The following WDR41 variants were observed in gnomAD, a reference collection of about 807,000 sequenced individuals.
WDR41 encodes WD repeat domain 41.
Under a neutral mutation model 69.3 loss-of-function variants are expected in WDR41, and 63 were observed. The ratio of observed to expected loss-of-function variants is 0.91; its 90% CI spans 0.74 to 1.12. The LOEUF (loss-of-function observed/expected upper bound fraction) is 1.12, where lower values mean the gene tolerates loss of function less well. WDR41 is among the 50% of genes most tolerant of loss of function. The probability of loss-of-function intolerance (pLI) is 0.00; values close to 1 mark genes in which losing one functional copy is unlikely to be tolerated. For synonymous variants in WDR41, 185 were observed against 192.1 expected (o/e 0.96, Z 0.31); for missense variants, 543 against 534.5 (o/e 1.02, Z -0.16).
intron 1 of WDR41, among the ~76,000 whole-genome samples, chr5:77,547,749 C>T (rs1743224981): frequency 6.6e-6 from 1 of 152,058 alleles, no homozygotes; most frequent in Admixed American, 6.6e-5. Context: ...ATCAAAATAC[C>T]ACTATTATTC....
chr5:77,474,482 T>C lies in WDR41; in HGVS notation c.168-9673A>G, dbSNP rs79894950. 2.1e-4 allele frequency among the ~76,000 whole-genome samples: 32 copies of C among 152,292 alleles called. No individual in the cohort carries two copies. In the East Asian group the frequency reaches 6.2e-3, roughly 29 times the overall value. ...TCATTTAAAGTATATGTTTGTATGC[T>C]AGAACTACTTGAAGAAAATTAGAGA... On this transcript the variant is annotated intron_variant, in intron 2 of 12. Coordinates refer to ENST00000296679, the MANE Select transcript of WDR41 (RefSeq NM_018268.4).
At chr5:77,478,908 A>G (rs1801093641) in intron 2 of WDR41, among the ~76,000 whole-genome samples, 1 of 151,916 alleles carries the variant, frequency 6.6e-6, no homozygotes, top group Non-Finnish European at 1.5e-5. Context: ...AGATGACATG[A>G]TTGTATATCT....
chr5:77,464,274 C>CTTTTTTTTTTTTTTTT (rs71606297), intron 3 of WDR41, among the ~76,000 whole-genome samples: 5 of 94,202 alleles, frequency 5.3e-5, no homozygotes, highest in Non-Finnish European at 7.8e-5. Flanking sequence ...TAGGAAAAAA[C>CTTTTTTTTTTTTTTTT]TTTTTTTTTT....
chr5:77,548,061 G>C (rs973785001), intron 1 of WDR41, among the ~76,000 whole-genome samples: 2 of 151,440 alleles, frequency 1.3e-5, no homozygotes, highest in Admixed American at 1.3e-4. Flanking sequence ...AAATGATGCT[G>C]GGATAATTGG....
intron 1 of WDR41, among the ~76,000 whole-genome samples, chr5:77,597,296 G>C (rs1744244660): frequency 6.6e-6 from 1 of 152,112 alleles, no homozygotes; most frequent in Non-Finnish European, 1.5e-5. Flanking sequence ...GGAGAGTGGA[G>C]AATAACTCTT....
chr5:77,433,889 G>A (rs4704421), intron 12 of WDR41, among the ~76,000 whole-genome samples: 8,201 of 152,300 alleles, frequency 0.054, 356 homozygotes, highest in Admixed American at 0.13. Flanking sequence ...AGGGGAAGGG[G>A]CTTGCCCAGT....
At chr5:77,451,234 A>G in intron 7 of WDR41, 57 bp downstream of exon 7, 2 of 1,528,544 alleles carry the variant, frequency 1.3e-6, no homozygotes, top group Non-Finnish European at 1.8e-6. Flanking sequence ...TAGTCCTTCC[A>G]GCATGTGTAT....
Position 77,572,681 on chromosome 5 carries a change from G to T in WDR41, c.42+47798C>A, listed in dbSNP as rs117034279. Among the ~76,000 whole-genome samples, 238 of 152,244 alleles carry T rather than the reference G, an allele frequency of 1.6e-3. 5 individuals are homozygous for T. In the East Asian group the frequency reaches 0.043, roughly 28 times the overall value. ...ATGTACTGAAAAGTTTGCTTATCAA[G>T]ACCACCTTCCCCACTATAGTGAAAT... is the stretch of plus-strand genomic sequence containing the variant. On this transcript the variant is annotated intron_variant, in intron 1 of 5. Transcript: ENST00000509971.
At chr5:77,496,292 A>G (rs1278417503), upstream of WDR41, among the ~76,000 whole-genome samples, 2 of 152,108 alleles carry the variant, frequency 1.3e-5, no homozygotes, top group Admixed American at 6.5e-5. Flanking sequence ...AGAAGTAAAA[A>G]GCATCCAAAT....
In WDR41 at chr5:77,430,937, T is replaced by C. The variant is rs923582393; in HGVS notation, c.*2198A>G. Reference sequence around the variant, plus strand: ...AGTGGAGCCTGAAGATGTGAATGAATTGCTGTAATCTCATGATCAAACTTT... The same window carrying C: ...AGTGGAGCCTGAAGATGTGAATGAACTGCTGTAATCTCATGATCAAACTTT... On this transcript the variant is annotated 3_prime_UTR_variant, in exon 13 of 13. Transcript: ENST00000296679. 2.0e-5 allele frequency: 3 copies of C among 152,044 alleles called. No individual in the cohort carries two copies. The highest frequency in any genetic ancestry group is 7.2e-5 in the African/African-American group (3 of 41,400). 9.4% of individuals were successfully genotyped at this position (152,044 alleles called of 1,614,324 possible).
At chr5:77,461,433 T>C (rs1033724277) in intron 4 of WDR41, among the ~76,000 whole-genome samples, 2 of 152,254 alleles carry the variant, frequency 1.3e-5, no homozygotes, top group East Asian at 3.8e-4. Context: ...TTCAAGTCTG[T>C]ATCTTGGTTC....
intron 1 of WDR41, among the ~76,000 whole-genome samples, chr5:77,591,588 CT>C (rs1744138863): frequency 6.6e-6 from 1 of 151,988 alleles, no homozygotes; most frequent in African/African-American, 2.4e-5. Context: ...AAGTTTTAGT[CT>C]GCTGTATTTT....
intron 2 of WDR41, among the ~76,000 whole-genome samples, chr5:77,474,969 C>T (rs533958983): frequency 1.3e-5 from 2 of 152,112 alleles, no homozygotes; most frequent in African/African-American, 2.4e-5. Context: ...GCACCGTGCG[C>T]GAGCCGAAGC....
chr5:77,449,112 G>T (rs78272880), intron 8 of WDR41, among the ~76,000 whole-genome samples: 5,558 of 152,248 alleles, frequency 0.037, 117 homozygotes, highest in Middle Eastern at 0.099. Context: ...TTATCTGCAA[G>T]TGAACTGAAT....
intron 9 of WDR41, among the ~76,000 whole-genome samples, 175 bp downstream of exon 9, chr5:77,440,638 A>G (rs529252035): frequency 1.8e-4 from 27 of 151,216 alleles, no homozygotes; most frequent in Non-Finnish European, 2.8e-4. Flanking sequence ...ATTAGAAGCA[A>G]AGATTAAAAT....
At chr5:77,481,784 CAAAAAAAAAAAAAAA>C (rs61463461) in intron 2 of WDR41, among the ~76,000 whole-genome samples, 1 of 87,396 alleles carries the variant, frequency 1.1e-5, no homozygotes, top group Non-Finnish European at 2.3e-5. Flanking sequence ...GACTCCGTCT[CAAAAAAAAAAAAAAA>C]AAAAAAAAAG....
intron 2 of WDR41, chr5:77,480,061 A>G (rs1390171931): frequency 6.6e-6 from 1 of 151,654 alleles, no homozygotes; most frequent in Non-Finnish European, 1.5e-5. Context: ...CAGCCAAAAA[A>G]CACATGAAAA....
chr5:77,439,537 G>A (rs1382476612), intron 9 of WDR41, among the ~76,000 whole-genome samples: 1 of 152,190 alleles, frequency 6.6e-6, no homozygotes, highest in East Asian at 1.9e-4. Flanking sequence ...TATAGACCAG[G>A]AAATCTGGGC....
intron 1 of WDR41, among the ~76,000 whole-genome samples, chr5:77,524,188 A>T (rs1009661337): frequency 3.9e-5 from 6 of 152,238 alleles, no homozygotes; most frequent in Non-Finnish European, 7.3e-5. Flanking sequence ...AAAATATGAC[A>T]GTTTAAAAAT....
Sources: allele counts gnomAD v4.1 joint callset (sites outside exome capture counted in the v4.1 genomes callset), GRCh38; gene constraint gnomAD v4.1.1; transcripts MANE v1.5; gene names NCBI Gene and HGNC (gene_info 2026-07-23, HGNC 2026-07-21).